The following LRRC4C variants were observed in gnomAD, a reference collection of about 807,000 sequenced individuals.
LRRC4C encodes the protein leucine rich repeat containing 4C, also known as leucine-rich repeat-containing protein 4C.
A neutral mutation model predicts 33.6 loss-of-function variants in LRRC4C; 5 were observed. The observed-to-expected ratio is 0.15, with a 90% confidence interval of 0.08 to 0.31. LRRC4C has a LOEUF of 0.31. LRRC4C is among the 10% of genes least tolerant of loss of function. LRRC4C has a pLI of 1.00. For missense variants in LRRC4C, 560 were observed against 796.7 expected (o/e 0.70, Z 3.58); for synonymous variants, 329 against 302.0 (o/e 1.09, Z -0.93).
intron 1 of LRRC4C, among the ~76,000 whole-genome samples, chr11:40,937,823 G>C (rs1346772215): frequency 6.6e-6 from 1 of 151,612 alleles, no homozygotes; most frequent in Non-Finnish European, 1.5e-5. Flanking sequence ...TGTTGTTGTT[G>C]TTTGTTTGTT....
At chr11:41,062,858 G>A (rs1156394116) in intron 1 of LRRC4C, among the ~76,000 whole-genome samples, 1 of 152,114 alleles carries the variant, frequency 6.6e-6, no homozygotes, top group Non-Finnish European at 1.5e-5. Flanking sequence ...GCCATTTGAA[G>A]ACAGAGTCAG....
chr11:41,268,986 A>G (rs1458973075), intron 1 of LRRC4C, among the ~76,000 whole-genome samples: 1 of 152,150 alleles, frequency 6.6e-6, no homozygotes, highest in Non-Finnish European at 1.5e-5. Context: ...ATCATGACCA[A>G]GCTGTGATTC....
Position 40,281,440 on chromosome 11 carries a change from C to T in LRRC4C, c.-176+38188G>A, listed in dbSNP as rs376447040. On this transcript the variant is annotated intron_variant, in intron 4 of 6. Transcript: ENST00000528697. ...CCAGGATGAGCTCTCTCCCCGCAAACTCTTTCTCAATCTCTCTCTCTCTTT... is the reference window on the plus strand; with the variant it reads ...CCAGGATGAGCTCTCTCCCCGCAAATTCTTTCTCAATCTCTCTCTCTCTTT... Among the ~76,000 whole-genome samples, 5 of 152,244 alleles carry T rather than the reference C, an allele frequency of 3.3e-5. 1 individual carries two copies. The highest frequency in any genetic ancestry group is 1.2e-4 in the African/African-American group (5 of 41,568).
At chr11:40,954,418 GC>G (rs1301260992) in intron 1 of LRRC4C, among the ~76,000 whole-genome samples, 1 of 151,796 alleles carries the variant, frequency 6.6e-6, no homozygotes, top group African/African-American at 2.4e-5. Context: ...CTATGAATCA[GC>G]CTTGAGGCAT....
At chr11:40,891,341 A>G (rs1021566394) in intron 2 of LRRC4C, among the ~76,000 whole-genome samples, 4 of 152,218 alleles carry the variant, frequency 2.6e-5, no homozygotes, top group Non-Finnish European at 4.4e-5. Flanking sequence ...GGACATTTCA[A>G]TTGAATTCTA....
At chr11:40,811,576 C>A (rs1565090389) in intron 2 of LRRC4C, among the ~76,000 whole-genome samples, 1 of 152,156 alleles carries the variant, frequency 6.6e-6, no homozygotes, top group African/African-American at 2.4e-5. Flanking sequence ...CAGCTCACTG[C>A]AACCTCTGCC....
intron 1 of LRRC4C, among the ~76,000 whole-genome samples, chr11:41,263,069 AC>A (rs1195949810): frequency 2.0e-5 from 3 of 152,228 alleles, no homozygotes; most frequent in African/African-American, 7.2e-5. Flanking sequence ...AGGAAATAAC[AC>A]CTTACGAGGT....
At chr11:40,433,265 ATAT>A (rs1208817795) in intron 3 of LRRC4C, among the ~76,000 whole-genome samples, 3 of 141,718 alleles carry the variant, frequency 2.1e-5, no homozygotes, top group African/African-American at 9.5e-5. Flanking sequence ...CAACTGTTCT[ATAT>A]TATGTTTTGT....
intron 1 of LRRC4C, among the ~76,000 whole-genome samples, chr11:41,359,247 T>A (rs1330643569): frequency 1.3e-5 from 2 of 152,188 alleles, no homozygotes; most frequent in East Asian, 1.9e-4. Flanking sequence ...AAAAATATTG[T>A]GTATGAAATT....
intron 2 of LRRC4C, among the ~76,000 whole-genome samples, chr11:40,888,876 T>C (rs1955577898): frequency 6.6e-6 from 1 of 152,000 alleles, no homozygotes; most frequent in South Asian, 2.1e-4. Context: ...CCAAAATGCT[T>C]ATCTTCTTTT....
intron 1 of LRRC4C, among the ~76,000 whole-genome samples, chr11:41,241,995 TTAAG>T (rs1948269958): frequency 6.6e-6 from 1 of 152,196 alleles, no homozygotes; most frequent in Admixed American, 6.5e-5. Context: ...TTTTCTTTGC[TTAAG>T]TTTTTTTTGT....
chr11:40,591,636 A>G (rs1959064171), intron 3 of LRRC4C, among the ~76,000 whole-genome samples: 1 of 152,256 alleles, frequency 6.6e-6, no homozygotes, highest in Non-Finnish European at 1.5e-5. Flanking sequence ...TCATCAAAAT[A>G]GCAAATAATT....
chr11:40,656,520 T>C lies in LRRC4C; in HGVS notation c.-406-8242A>G, dbSNP rs114684239. On this transcript the variant is annotated intron_variant, in intron 2 of 6. Transcript: ENST00000528697. ...GCAATACATTTATTGCTTGATGAAC[T>C]CTATTTATGTCCTTTCAGCCATTCA... 9.5e-3 allele frequency among the ~76,000 whole-genome samples: 1,438 copies of C among 151,526 alleles called. 22 individuals are homozygous for C. Among genetic ancestry groups the C allele is most frequent in the African/African-American group, 0.032 (1,330 of 41,310 alleles).
intron 1 of LRRC4C, among the ~76,000 whole-genome samples, chr11:41,145,515 C>T (rs1943691636): frequency 8.4e-6 from 1 of 118,774 alleles, no homozygotes; most frequent in Non-Finnish European, 2.0e-5. Flanking sequence ...TTATATATTG[C>T]CTATGGCTGC....
chr11:40,137,457 C>T (rs545586076), intron 6 of LRRC4C, among the ~76,000 whole-genome samples: 3 of 152,240 alleles, frequency 2.0e-5, no homozygotes, highest in African/African-American at 2.4e-5. Flanking sequence ...AATTACATTT[C>T]CACATGTCCC....
chr11:40,858,997 A>G (rs1953942978), intron 2 of LRRC4C, among the ~76,000 whole-genome samples: 1 of 152,176 alleles, frequency 6.6e-6, no homozygotes, highest in Non-Finnish European at 1.5e-5. Flanking sequence ...GAATCATCAA[A>G]TTTTCAGACC....
chr11:40,861,881 C>T (rs748160762), intron 2 of LRRC4C, among the ~76,000 whole-genome samples: 28 of 152,124 alleles, frequency 1.8e-4, no homozygotes, highest in Non-Finnish European at 4.0e-4. Flanking sequence ...TTTAAACAAA[C>T]AGTTCTCAGC....
Position 40,196,684 on chromosome 11 carries a change from A to T in LRRC4C, c.-96+44835T>A, listed in dbSNP as rs77794055. Among the ~76,000 whole-genome samples the T allele has an allele frequency of 4.4e-3, 673 of 152,330 alleles. 6 individuals are homozygous for T. Among genetic ancestry groups the T allele is most frequent in the Non-Finnish European group, 7.9e-3 (535 of 68,026 alleles). On this transcript the variant is annotated intron_variant, in intron 5 of 6. Coordinates refer to ENST00000528697, the MANE Select transcript of LRRC4C (RefSeq NM_001258419.2). ...CAGAGTAGATCTAAGATTTTACAAA[A>T]GTGTCTACTCAATTAATTGAGATAA...
chr11:41,236,427 A>T lies in LRRC4C; in HGVS notation c.-496+223004T>A, dbSNP rs1372526668. Among the ~76,000 whole-genome samples, 2 of 152,108 alleles carry T rather than the reference A, an allele frequency of 1.3e-5. 1 individual carries two copies. The highest frequency in any genetic ancestry group is 4.8e-5 in the African/African-American group (2 of 41,434). The stretch of plus-strand genomic sequence containing the variant: ...ACAGTAACAAAACCGAGTCTAAGAC[A>T]ATCTGTTGCACTTATATACCACTAA... On this transcript the variant is annotated intron_variant, in intron 1 of 6. Transcript: ENST00000528697.
Sources: gnomAD v4.1 joint callset for allele counts (sites outside exome capture counted in the v4.1 genomes callset) on GRCh38, gnomAD v4.1.1 for gene constraint, MANE v1.5 for transcripts, NCBI Gene and HGNC (gene_info 2026-07-23, HGNC 2026-07-21) for gene names.